PDE4D: variants seen among roughly 807,000 people sequenced by gnomAD.
The protein encoded by PDE4D is phosphodiesterase 4D.
PDE4D carries 24 observed loss-of-function variants against 87.4 expected under a neutral mutation model. The ratio of observed to expected loss-of-function variants is 0.27; its 90% CI spans 0.20 to 0.39. The LOEUF is 0.39. PDE4D is among the 10% of genes least tolerant of loss of function. The pLI is 1.00. For synonymous variants in PDE4D, 384 were observed against 383.2 expected (o/e 1.00, Z -0.02); for missense variants, 714 against 1,041.0 (o/e 0.69, Z 4.32).
chr5:59,024,406 G>T (rs570613652), intron 6 of PDE4D, among the ~76,000 whole-genome samples: 2 of 151,300 alleles, frequency 1.3e-5, no homozygotes, highest in Non-Finnish European at 2.9e-5. Flanking sequence ...CACCATGTTG[G>T]CCAGCTAGTC....
At chr5:59,138,868 T>G (rs1324514637) in intron 5 of PDE4D, among the ~76,000 whole-genome samples, 1 of 152,204 alleles carries the variant, frequency 6.6e-6, no homozygotes, top group Non-Finnish European at 1.5e-5. Flanking sequence ...TAAAACCAAC[T>G]AATATTATGA....
intron 2 of PDE4D, among the ~76,000 whole-genome samples, chr5:60,051,251 C>T (rs990363474): frequency 6.6e-6 from 1 of 152,162 alleles, no homozygotes; most frequent in Admixed American, 6.5e-5. Flanking sequence ...CTTCTTAGCA[C>T]CTTGTCACAC....
At chr5:59,148,415 G>A (rs1778978125) in intron 5 of PDE4D, among the ~76,000 whole-genome samples, 1 of 152,072 alleles carries the variant, frequency 6.6e-6, no homozygotes, top group African/African-American at 2.4e-5. Context: ...CTAAGCTTCA[G>A]TGCTCTCATT....
At chr5:59,574,057 TAAAAATATATATA>T (rs1822430555) in intron 1 of PDE4D, among the ~76,000 whole-genome samples, 3 of 63,278 alleles carry the variant, frequency 4.7e-5, no homozygotes, top group Admixed American at 4.7e-4. Context: ...TATTTATATA[TAAAAATATATATA>T]TTTATATATA....
intron 1 of PDE4D, among the ~76,000 whole-genome samples, chr5:59,698,463 C>G (rs1752113108): frequency 6.6e-6 from 1 of 151,760 alleles, no homozygotes; most frequent in Non-Finnish European, 1.5e-5. Context: ...AAGGGTCAAG[C>G]AGAAGGAAAG....
intron 1 of PDE4D, among the ~76,000 whole-genome samples, chr5:59,856,623 A>T (rs1237603772): frequency 6.6e-6 from 1 of 152,172 alleles, no homozygotes; most frequent in African/African-American, 2.4e-5. Context: ...CTCATCACTG[A>T]ATTTTGCATT....
intron 2 of PDE4D, among the ~76,000 whole-genome samples, chr5:60,077,760 A>G (rs779707646): frequency 6.6e-6 from 1 of 152,058 alleles, no homozygotes; most frequent in African/African-American, 2.4e-5. Context: ...TGTCCCTTCC[A>G]CTTCTCTAAG....
intron 1 of PDE4D, chr5:59,768,152 G>A: frequency 7.8e-6 from 11 of 1,410,250 alleles, no homozygotes; most frequent in African/African-American, 1.4e-5. Flanking sequence ...GAATGATGAT[G>A]GTCCTCCCTC....
chr5:60,400,381 G>A (rs1740953842), intron 1 of PDE4D, among the ~76,000 whole-genome samples: 1 of 151,540 alleles, frequency 6.6e-6, no homozygotes, highest in Admixed American at 6.6e-5. Flanking sequence ...AATTAGCCAG[G>A]CGTGGTGGCA....
intron 5 of PDE4D, among the ~76,000 whole-genome samples, chr5:59,168,950 G>T (rs1184516843): frequency 6.6e-6 from 1 of 152,184 alleles, no homozygotes; most frequent in Middle Eastern, 3.4e-3. Flanking sequence ...GATATCATAA[G>T]GTTTAAAAAG....
chr5:59,735,612 TTA>T (rs1561562715), intron 1 of PDE4D, among the ~76,000 whole-genome samples: 1 of 152,200 alleles, frequency 6.6e-6, no homozygotes, highest in East Asian at 1.9e-4. Flanking sequence ...TGGAATAGAT[TTA>T]GTTTTTCTAA....
chr5:59,500,327 T>C (rs1808068732), intron 1 of PDE4D, among the ~76,000 whole-genome samples: 2 of 152,238 alleles, frequency 1.3e-5, no homozygotes, highest in Admixed American at 6.5e-5. Context: ...ACAGCACTAT[T>C]CACAAGAGCA....
At chr5:60,416,951 G>A (rs938521713) in intron 1 of PDE4D, among the ~76,000 whole-genome samples, 1 of 152,180 alleles carries the variant, frequency 6.6e-6, no homozygotes, top group Non-Finnish European at 1.5e-5. Flanking sequence ...AAGTCTTCAT[G>A]CTACCATGAC....
chr5:58,981,361 AAGTAAAGTTTTTG>A (rs1412215557), intron 11 of PDE4D, among the ~76,000 whole-genome samples: 109 of 152,270 alleles, frequency 7.2e-4, no homozygotes, highest in African/African-American at 2.6e-3. Context: ...CCAGAAGTGA[AAGTAAAGTTTTTG>A]AGTAATGTTT....
intron 1 of PDE4D, among the ~76,000 whole-genome samples, chr5:59,831,326 CAAAA>C (rs35043596): frequency 1.1e-4 from 10 of 91,368 alleles, no homozygotes; most frequent in East Asian, 3.3e-4. Flanking sequence ...AAATTATTCT[CAAAA>C]AAAAAAAAAA....
At chr5:59,437,034 T>C (rs1376299567) in intron 1 of PDE4D, among the ~76,000 whole-genome samples, 2 of 152,194 alleles carry the variant, frequency 1.3e-5, no homozygotes, top group African/African-American at 2.4e-5. Flanking sequence ...CTGGTTTCAA[T>C]TCTCCCATCC....
At chr5:60,431,489 G>A (rs1744297290) in intron 1 of PDE4D, among the ~76,000 whole-genome samples, 1 of 151,640 alleles carries the variant, frequency 6.6e-6, no homozygotes, top group South Asian at 2.1e-4. Flanking sequence ...GCCGGGCAGA[G>A]ACGCTCCTCA....
At chr5:59,021,869 T>C (rs911176217) in intron 6 of PDE4D, among the ~76,000 whole-genome samples, 1 of 152,204 alleles carries the variant, frequency 6.6e-6, no homozygotes, top group African/African-American at 2.4e-5. Context: ...CCCATACTTA[T>C]TTTGACAGTC....
intron 1 of PDE4D, chr5:60,459,915 T>C: frequency 1.4e-6 from 1 of 693,678 alleles, no homozygotes; most frequent in Non-Finnish European, 2.6e-6. Flanking sequence ...CACCTTCATC[T>C]TCATTGTCTT....
Sources: gnomAD v4.1 joint callset for allele counts (sites outside exome capture counted in the v4.1 genomes callset) on GRCh38, gnomAD v4.1.1 for gene constraint, MANE v1.5 for transcripts, NCBI Gene and HGNC (gene_info 2026-07-23, HGNC 2026-07-21) for gene names.